Variants in BICDL2 observed in about 807,000 individuals in gnomAD.
BICDL2 encodes the protein BICD family-like cargo adapter 2.
BICDL2 carries 62 observed loss-of-function variants against 56.6 expected under a neutral mutation model. The observed-to-expected ratio is 1.10, with a 90% CI of 0.89 to 1.35. The LOEUF is 1.35. Ranked by LOEUF, BICDL2 falls within the 40% of genes most tolerant of loss-of-function variation. The pLI, the probability that BICDL2 is intolerant of heterozygous loss-of-function variation, is 0.00. For missense variants in BICDL2, 808 were observed against 684.5 expected (o/e 1.18, Z -2.01); for synonymous variants, 358 against 319.8 (o/e 1.12, Z -1.27).
chr16:3,035,193 A>ACCCCCCCCCCCCCC, intron 2 of BICDL2, 22 bp downstream of exon 2: 1 of 69,910 alleles, frequency 1.4e-5, no homozygotes, highest in Non-Finnish European at 2.4e-5. Context: ...CCACCCACCC[A>ACCCCCCCCCCCCCC]CCCCGTCCAG....
At position 3,031,155 on chromosome 16, in the gene BICDL2, G is replaced by A. The variant is rs1173990385; in HGVS notation, c.283-5C>T. On this transcript the variant is annotated splice_region_variant and splice_polypyrimidine_tract_variant and intron_variant, in intron 2 of 9. Transcript: ENST00000572449. ...ATGGTTCTCCTGCTGGAGCCGCTGTGGGGGCCAGGGCAGAGGGACAGAGGC... is the reference window on the plus strand; with the variant it reads ...ATGGTTCTCCTGCTGGAGCCGCTGTAGGGGCCAGGGCAGAGGGACAGAGGC... The A allele has an allele frequency of 3.3e-6, 5 of 1,534,682 alleles. No homozygotes were observed. The highest frequency in any genetic ancestry group is 2.6e-6 in the Non-Finnish European group (3 of 1,146,132).
Position 3,028,056 on chromosome 16 carries a change from G to C in BICDL2, c.*50C>G. Reference sequence around the variant, plus strand: ...GGCCCTGTCGCTCCATTGGCCTGAAGAGGAAAGTGAGCCCCTAAGTGGGCA... The same window carrying C: ...GGCCCTGTCGCTCCATTGGCCTGAACAGGAAAGTGAGCCCCTAAGTGGGCA... On this transcript the variant is annotated 3_prime_UTR_variant, in exon 10 of 10. Transcript: ENST00000572449. 4 of 1,395,682 alleles carry C rather than the reference G, an allele frequency of 2.9e-6. No individual in the cohort carries two copies. Among genetic ancestry groups the C allele is most frequent in the Non-Finnish European group, 3.7e-6 (4 of 1,076,630 alleles). 86.5% of individuals were successfully genotyped at this position (1,395,682 alleles called of 1,614,324 possible).
At position 3,029,754 on chromosome 16, in the gene BICDL2, G is replaced by A. The variant is rs940999239; in HGVS notation, c.763-15C>T. 20 of 1,459,836 alleles carry A rather than the reference G, an allele frequency of 1.4e-5. No homozygotes were observed. The highest frequency in any genetic ancestry group is 2.8e-5 in the East Asian group (1 of 36,316). 90.4% of individuals were successfully genotyped at this position (1,459,836 alleles called of 1,614,324 possible). On this transcript the variant is annotated splice_polypyrimidine_tract_variant and intron_variant, in intron 5 of 9. Coordinates refer to ENST00000572449, the MANE Select transcript of BICDL2 (RefSeq NM_001369667.1). ...GCGCGTTCCAGCTGTGGACGGTCCC[G>A]CAGACGGAAGCGCGGGCGGTCAGCG...
At position 3,028,763 on chromosome 16, in the gene BICDL2, G is replaced by T; in HGVS notation, c.1175C>A (p.Ala392Glu). 1 of 1,560,078 alleles carries T rather than the reference G, an allele frequency of 6.4e-7. No homozygotes were observed. Residue 392 changes from alanine (A) to glutamate (E), a missense_variant, in exon 8 of 10, where the codon GCG (alanine) becomes GAG (glutamate). By Grantham distance (107) the Ala-to-Glu change is moderately radical. Coordinates refer to ENST00000572449, the MANE Select transcript of BICDL2 (RefSeq NM_001369667.1). ...EELQRQKELR[A>E]QEDPGEALHS... is the part of the protein sequence containing the mutation. ...CAGGGCCTCCCCAGGGTCTTCCTGC[G>T]CCCGCAGCTCCTTCTGCCTCTGCAG... is the stretch of plus-strand genomic sequence containing the variant.
In BICDL2 at chr16:3,031,120, G is replaced by A. The variant is rs1228199385; in HGVS notation, c.313C>T (p.Arg105Ter). The A allele has an allele frequency of 6.5e-6, 10 of 1,535,444 alleles. No individual in the cohort carries two copies. The East Asian group carries it at 1.2e-4, about 19-fold the overall frequency. ...TCGGCTCCTCGGGCTGCCAGGCCTC[G>A]CCGGAGCTCATGGTTCTCCTGCTGG... ...RLQQENHELR[R>*]GLAARGAEWE... is the part of the protein sequence containing the mutation. The change falls in exon 3 of 10, where the codon CGA (arginine) becomes TGA (stop). Residue 105 changes from arginine (R) to a stop codon, truncating the protein, a stop_gained. Coordinates refer to ENST00000572449, the MANE Select transcript of BICDL2 (RefSeq NM_001369667.1). LOFTEE classifies it high-confidence loss of function.
rs774961887 is a variant in BICDL2, at chr16:3,029,712, C to T, written c.790G>A (p.Glu264Lys). The T allele has an allele frequency of 1.0e-4, 154 of 1,540,182 alleles. No homozygotes were observed. Among genetic ancestry groups the T allele is most frequent in the Non-Finnish European group, 1.3e-4 (147 of 1,150,298 alleles). The change falls in exon 6 of 10, where the codon GAG (glutamate) becomes AAG (lysine). Residue 264 changes from glutamate to lysine, a missense_variant. Coordinates refer to ENST00000572449, the MANE Select transcript of BICDL2 (RefSeq NM_001369667.1). ...ELERARSEAG[E>K]ALSALRRLQR... is the part of the protein sequence containing the mutation. ...AGCCTCCGCAGCGCACTCAGCGCCTCCCCAGCCTCTGACCGTGCGCGTTCC... is the reference window on the plus strand; with the variant it reads ...AGCCTCCGCAGCGCACTCAGCGCCTTCCCAGCCTCTGACCGTGCGCGTTCC...
At chr16:3,035,994 C>A in intron 1 of BICDL2, 1 of 314,118 alleles carries the variant, frequency 3.2e-6, no homozygotes, top group Admixed American at 5.0e-5. Flanking sequence ...CCCCAGGAAT[C>A]CAGCTCCTTC....
Position 3,029,635 on chromosome 16 carries a change from G to T in BICDL2, c.867C>A (p.Asp289Glu). Reference protein sequence around the residue: ...LEEESRLQDADVSAASLQSEL... With the variant: ...LEEESRLQDAEVSAASLQSEL... Reference sequence around the variant, plus strand: ...CTGACTGCAACGAGGCAGCCGACACGTCGGCGTCCTGGAGGCGTGACTCCT... The same window carrying T: ...CTGACTGCAACGAGGCAGCCGACACTTCGGCGTCCTGGAGGCGTGACTCCT... Residue 289 changes from aspartate to glutamate, a missense_variant, in exon 6 of 10, where the codon GAC (aspartate) becomes GAA (glutamate). Transcript: ENST00000572449. The T allele has an allele frequency of 6.5e-7, 1 of 1,536,286 alleles. No individual in the cohort carries two copies.
rs765457492 is a variant in BICDL2 at position 3,028,735 on chromosome 16, G to A, written c.1203C>T (p.His401=). ...CCTCGTCCCGGTCTGAGAGGGCACT[G>A]TGCAGGGCCTCCCCAGGGTCTTCCT... ...RAQEDPGEAL[H]SALSDRDEAV... The change falls in exon 8 of 10, where the codon CAC becomes CAT. Residue 401 remains histidine, a synonymous_variant. Transcript: ENST00000572449. 2 of 1,566,636 alleles carry A rather than the reference G, an allele frequency of 1.3e-6. No individual in the cohort carries two copies. The highest frequency in any genetic ancestry group is 1.2e-5 in the South Asian group (1 of 85,096).
Position 3,030,996 on chromosome 16 carries a change from C to A in BICDL2, c.437G>T (p.Arg146Leu). ...RSEQQDSGRERARALSELSEQ... is the reference protein window; with the variant it reads ...RSEQQDSGRELARALSELSEQ... ...GCTGAGCTCGCTGAGGGCCCGTGCC[C>A]GTTCTCGCCCACTGTCCTGCTGCTC... Residue 146 changes from arginine (R) to leucine (L), a missense_variant, in exon 3 of 10, where the codon CGG (arginine) becomes CTG (leucine). By Grantham distance (102) the Arg-to-Leu change is moderately radical (BLOSUM62 -2). Coordinates refer to ENST00000572449, the MANE Select transcript of BICDL2 (RefSeq NM_001369667.1). 1 of 1,553,496 alleles carries A rather than the reference C, an allele frequency of 6.4e-7. No individual in the cohort carries two copies. The highest frequency in any genetic ancestry group is 2.4e-5 in the East Asian group (1 of 41,768).
In BICDL2 at chr16:3,027,700, T is replaced by G. The variant is rs559837754; in HGVS notation, c.*406A>C. The G allele has an allele frequency of 5.2e-6, 8 of 1,541,872 alleles. No individual in the cohort carries two copies. In the Admixed American group the frequency reaches 1.4e-4, roughly 27 times the overall value. On this transcript the variant is annotated 3_prime_UTR_variant, in exon 10 of 10. Transcript: ENST00000572449. ...AGCCAGCTCAGGGTTTTAGAGTGTT[T>G]TTCATTTTCTTTTTTTTTTTTTTTT...
chr16:3,028,246 G>A lies in BICDL2; in HGVS notation c.1387C>T (p.Gln463Ter). ...QDDMQVVIGQQLRSQRQKELS... is the reference protein window; with the variant it reads ...QDDMQVVIGQ Reference sequence around the variant, plus strand: ...TCCTTCTGGCGCTGTGAGCGCAGCTGCTGCCCGATCACCACCTGCATGTCG... The same window carrying A: ...TCCTTCTGGCGCTGTGAGCGCAGCTACTGCCCGATCACCACCTGCATGTCG... The change falls in exon 10 of 10, where the codon CAG becomes TAG. Residue 463 changes from glutamine to a stop codon, truncating the protein, a stop_gained. Coordinates refer to ENST00000572449, the MANE Select transcript of BICDL2 (RefSeq NM_001369667.1). LOFTEE classifies it low-confidence loss of function (END_TRUNC). The A allele has an allele frequency of 6.8e-7, 1 of 1,477,016 alleles. No individual in the cohort carries two copies. 91.5% of individuals were successfully genotyped at this position (1,477,016 alleles called of 1,614,324 possible).
rs1301180529 is a variant in BICDL2, at chr16:3,031,112, C to T, written c.321G>A (p.Leu107=). The T allele has an allele frequency of 1.3e-6, 2 of 1,535,882 alleles. No homozygotes were observed. The highest frequency in any genetic ancestry group is 2.4e-5 in the South Asian group (2 of 83,966). ...QQENHELRRG[L]AARGAEWEAR... Reference sequence around the variant, plus strand: ...CCTCCCACTCGGCTCCTCGGGCTGCCAGGCCTCGCCGGAGCTCATGGTTCT... The same window carrying T: ...CCTCCCACTCGGCTCCTCGGGCTGCTAGGCCTCGCCGGAGCTCATGGTTCT... The change falls in exon 3 of 10, where the codon CTG becomes CTA. Residue 107 remains leucine, a synonymous_variant. Transcript: ENST00000572449.
At chr16:3,029,506 G>T (rs550592901) in intron 6 of BICDL2, 39 bp downstream of exon 6, 2 of 1,566,282 alleles carry the variant, frequency 1.3e-6, no homozygotes, top group African/African-American at 2.7e-5. Context: ...CAACCCTCTC[G>T]ATGGCACAGG....
At chr16:3,035,710 G>C (rs1168743777) in intron 1 of BICDL2, 184 bp from the exon 2 acceptor site, 2 of 588,780 alleles carry the variant, frequency 3.4e-6, no homozygotes, top group African/African-American at 3.7e-5. Flanking sequence ...GGTAAACTGA[G>C]GCAGGAAGCA....
Position 3,035,424 on chromosome 16 carries a change from C to T in BICDL2, c.73G>A (p.Gly25Ser), listed in dbSNP as rs774191019. 1 of 1,612,460 alleles carries T rather than the reference C, an allele frequency of 6.2e-7. No homozygotes were observed. Among genetic ancestry groups the T allele is most frequent in the African/African-American group, 1.3e-5 (1 of 74,904 alleles). The part of the protein sequence containing the change: ...SGGASPSGDE[G>S]FFPFVLERRD... ...CGCTCCAGCACAAAGGGGAAGAAGC[C>T]CTCGTCGCCGCTGGGAGAGGCGCCC... Residue 25 changes from glycine to serine, a missense_variant, in exon 2 of 10, where the codon GGC becomes AGC. Gly to Ser is a moderately conservative substitution (Grantham distance 56). Coordinates refer to ENST00000572449, the MANE Select transcript of BICDL2 (RefSeq NM_001369667.1).
rs943800389 is a variant in BICDL2, at chr16:3,031,115, G to A, written c.318C>T (p.Gly106=). Residue 106 remains glycine (G), a synonymous_variant, in exon 3 of 10, where the codon GGC becomes GGT. Transcript: ENST00000572449. ...CCCACTCGGCTCCTCGGGCTGCCAGGCCTCGCCGGAGCTCATGGTTCTCCT... is the reference window on the plus strand; with the variant it reads ...CCCACTCGGCTCCTCGGGCTGCCAGACCTCGCCGGAGCTCATGGTTCTCCT... ...LQQENHELRR[G]LAARGAEWEA... 14 of 1,535,688 alleles carry A rather than the reference G, an allele frequency of 9.1e-6. No homozygotes were observed. In the African/African-American group the frequency reaches 1.5e-4, roughly 17 times the overall value.
At position 3,030,538 on chromosome 16, in the gene BICDL2, C is replaced by G. The variant is rs762131096; in HGVS notation, c.673G>C (p.Glu225Gln). Residue 225 changes from glutamate (E) to glutamine (Q), a missense_variant, in exon 5 of 10, where the codon GAG becomes CAG. Glu to Gln is a conservative substitution (Grantham distance 29). Transcript: ENST00000572449. ...DLEAQIRGLR[E>Q]EVEKGEGRLQ... ...CTGCCCTCACCCTTCTCCACCTCCT[C>G]ACGCAGGCCTCGGATCTGGGCCTCC... 1 of 1,600,918 alleles carries G rather than the reference C, an allele frequency of 6.2e-7. No homozygotes were observed. Among genetic ancestry groups the G allele is most frequent in the South Asian group, 1.1e-5 (1 of 90,006 alleles).
At chr16:3,028,302 C>CGGTCCCGCCCCT in intron 9 of BICDL2, 29 bp from the exon 10 acceptor site, 5 of 1,526,256 alleles carry the variant, frequency 3.3e-6, no homozygotes, top group Non-Finnish European at 3.5e-6. Flanking sequence ...GGCTCAGCGC[C>CGGTCCCGCCCCT]GGTCCCGCCC....
Sources: allele counts gnomAD v4.1 joint callset, GRCh38; gene constraint gnomAD v4.1.1; transcripts MANE v1.5; gene names NCBI Gene and HGNC (gene_info 2026-07-23, HGNC 2026-07-21).